PTPRD: variants seen among roughly 807,000 people sequenced by gnomAD.
PTPRD encodes the protein receptor-type tyrosine-protein phosphatase delta.
A neutral mutation model predicts 214.5 loss-of-function variants in PTPRD; 34 were observed. That is an observed-to-expected ratio of 0.16 (90% CI 0.12 to 0.21). The LOEUF (loss-of-function observed/expected upper bound fraction) is 0.21, where lower values mean the gene tolerates loss of function less well. Among genes scored for constraint, PTPRD ranks in the 10% least tolerant of loss-of-function variants. The probability of loss-of-function intolerance (pLI) is 1.00; values close to 1 mark genes in which losing one functional copy is unlikely to be tolerated. For synonymous variants in PTPRD, 1,128 were observed against 845.7 expected (o/e 1.33, Z -5.79); for missense variants, 2,545 against 2,398.7 (o/e 1.06, Z -1.27).
intron 8 of PTPRD, among the ~76,000 whole-genome samples, chr9:9,483,375 G>C (rs1419768701): frequency 6.6e-6 from 1 of 152,060 alleles, no homozygotes; most frequent in East Asian, 1.9e-4. Context: ...ATTGACATGT[G>C]GCTTCACCAT....
At chr9:10,065,060 T>A (rs2097849677) in intron 3 of PTPRD, among the ~76,000 whole-genome samples, 1 of 151,636 alleles carries the variant, frequency 6.6e-6, no homozygotes. Context: ...TACATAGTAA[T>A]TTGCCTTGCC....
intron 2 of PTPRD, among the ~76,000 whole-genome samples, chr9:10,497,366 G>C (rs2042375832): frequency 6.6e-6 from 1 of 151,764 alleles, no homozygotes; most frequent in South Asian, 2.1e-4. Context: ...ATGTATACTA[G>C]ATTGTAAGCT....
At chr9:10,100,683 C>G (rs746674404) in intron 3 of PTPRD, among the ~76,000 whole-genome samples, 1 of 151,422 alleles carries the variant, frequency 6.6e-6, no homozygotes, top group Non-Finnish European at 1.5e-5. Context: ...CATGTTGGAG[C>G]GTTACAGATT....
At chr9:8,612,101 T>TGAAAA (rs1412703297) in intron 14 of PTPRD, among the ~76,000 whole-genome samples, 113 of 147,524 alleles carry the variant, frequency 7.7e-4, no homozygotes, top group Non-Finnish European at 1.5e-3. Context: ...CAAGACCTTG[T>TGAAAA]GAAAAGAAAA....
chr9:8,949,237 A>AG (rs1365196805), intron 11 of PTPRD, among the ~76,000 whole-genome samples: 1 of 151,908 alleles, frequency 6.6e-6, no homozygotes, highest in East Asian at 1.9e-4. Flanking sequence ...AAAAGAAAAA[A>AG]AAGAAAAAAG....
At chr9:9,399,788 C>G (rs1386942445) in intron 8 of PTPRD, among the ~76,000 whole-genome samples, 1 of 152,026 alleles carries the variant, frequency 6.6e-6, no homozygotes, top group Non-Finnish European at 1.5e-5. Context: ...CACCTTCCGC[C>G]ATGATTCTGA....
chr9:9,878,619 T>C (rs977484320), intron 5 of PTPRD, among the ~76,000 whole-genome samples: 2 of 152,176 alleles, frequency 1.3e-5, no homozygotes, highest in African/African-American at 4.8e-5. Context: ...CCTGCGTACA[T>C]TGCTGGATGA....
intron 2 of PTPRD, among the ~76,000 whole-genome samples, chr9:10,392,392 A>G (rs2098085853): frequency 6.6e-6 from 1 of 151,682 alleles, no homozygotes; most frequent in Non-Finnish European, 1.5e-5. Context: ...CCCATTACCA[A>G]GAATCAAAGG....
intron 9 of PTPRD, among the ~76,000 whole-genome samples, chr9:9,185,599 A>C (rs2099930877): frequency 6.6e-6 from 1 of 152,048 alleles, no homozygotes. Context: ...TTCCTTTCTG[A>C]GGAATGAAGA....
chr9:9,622,003 A>C (rs925186470), intron 7 of PTPRD, among the ~76,000 whole-genome samples: 1 of 152,212 alleles, frequency 6.6e-6, no homozygotes, highest in East Asian at 1.9e-4. Context: ...TCATCTCTAC[A>C]AAGTAAGAAG....
At chr9:9,481,625 C>T (rs188067047) in intron 8 of PTPRD, among the ~76,000 whole-genome samples, 53 of 150,298 alleles carry the variant, frequency 3.5e-4, no homozygotes, top group Middle Eastern at 6.8e-3. Context: ...TAAAACAACG[C>T]AATTGTAAAA....
At chr9:9,476,470 C>G (rs1258356866) in intron 8 of PTPRD, among the ~76,000 whole-genome samples, 6 of 152,070 alleles carry the variant, frequency 3.9e-5, no homozygotes, top group Non-Finnish European at 7.4e-5. Context: ...CGGGGATAAT[C>G]AAGGGTAGGA....
intron 14 of PTPRD, among the ~76,000 whole-genome samples, chr9:8,624,032 T>C (rs1178025145): frequency 3.3e-5 from 5 of 151,984 alleles, no homozygotes; most frequent in Admixed American, 3.3e-4. Context: ...AAAACAGTTA[T>C]AGATTTTTAT....
At chr9:10,464,788 T>G (rs115922567) in intron 2 of PTPRD, among the ~76,000 whole-genome samples, 79 of 152,206 alleles carry the variant, frequency 5.2e-4, no homozygotes, top group African/African-American at 1.8e-3. Flanking sequence ...AACGGTAATG[T>G]CAGTAGGCTA....
intron 7 of PTPRD, among the ~76,000 whole-genome samples, chr9:9,689,571 G>C (rs1291211870): frequency 6.6e-6 from 1 of 151,424 alleles, no homozygotes; most frequent in African/African-American, 2.4e-5. Context: ...CTGATTTATC[G>C]ATACTAGGAC....
At chr9:9,559,713 G>A (rs140093889) in intron 8 of PTPRD, among the ~76,000 whole-genome samples, 9 of 152,310 alleles carry the variant, frequency 5.9e-5, no homozygotes, top group African/African-American at 1.9e-4. Flanking sequence ...AAGGTAAACT[G>A]TTCCTGGCTC....
chr9:10,031,841 T>A (rs1375546156), intron 4 of PTPRD, among the ~76,000 whole-genome samples: 1 of 151,728 alleles, frequency 6.6e-6, no homozygotes, highest in Non-Finnish European at 1.5e-5. Context: ...GCATATTTTT[T>A]GAAGACAAGA....
intron 11 of PTPRD, among the ~76,000 whole-genome samples, chr9:8,761,553 C>G (rs553166489): frequency 2.6e-5 from 4 of 152,200 alleles, no homozygotes; most frequent in African/African-American, 9.6e-5. Context: ...GGTTGCAGCA[C>G]AGAAAGCGGA....
chr9:9,367,554 C>T (rs889988981), intron 9 of PTPRD, among the ~76,000 whole-genome samples: 1 of 151,406 alleles, frequency 6.6e-6, no homozygotes, highest in Non-Finnish European at 1.5e-5. Context: ...TACTGTTCAA[C>T]TGAAGTCTAA....
Sources: gnomAD v4.1 joint callset for allele counts (sites outside exome capture counted in the v4.1 genomes callset) on GRCh38, gnomAD v4.1.1 for gene constraint, MANE v1.5 for transcripts, NCBI Gene and HGNC (gene_info 2026-07-23, HGNC 2026-07-21) for gene names.